Variants in WNT2B observed in about 807,000 individuals in gnomAD.
The protein encoded by WNT2B is Wnt family member 2B.
WNT2B carries 19 observed loss-of-function variants against 40.5 expected under a neutral mutation model. That is an observed-to-expected ratio of 0.47 (90% CI 0.33 to 0.69). The LOEUF (loss-of-function observed/expected upper bound fraction) is 0.69, where lower values mean the gene tolerates loss of function less well. Among genes scored for constraint, WNT2B ranks in the 30% least tolerant of loss-of-function variants. The pLI, the probability that WNT2B is intolerant of heterozygous loss-of-function variation, is 0.02. For synonymous variants in WNT2B, 220 were observed against 211.9 expected (o/e 1.04, Z -0.33); for missense variants, 467 against 556.4 (o/e 0.84, Z 1.62).
rs552359849 is a variant in WNT2B at position 112,523,310 on chromosome 1, A to G, written c.*2801A>G. 6.3e-5 allele frequency: 9 copies of G among 143,570 alleles called. 1 individual carries two copies. Among genetic ancestry groups the G allele is most frequent in the Middle Eastern group, 7.0e-3 (2 of 286 alleles). 8.9% of individuals were successfully genotyped at this position (143,570 alleles called of 1,614,324 possible). On this transcript the variant is annotated 3_prime_UTR_variant, in exon 5 of 5. Coordinates refer to ENST00000369684, the MANE Select transcript of WNT2B (RefSeq NM_024494.3). ...TCCTATAAATGGTTAAGAAAAGAGC[A>G]AGCTGTCCAGAGAGTGAGAAGTTTG...
rs759851887 is a variant in WNT2B at position 112,520,506 on chromosome 1, C to G, written c.1173C>G (p.Thr391=). The change falls in exon 5 of 5, where the codon ACC becomes ACG. Residue 391 remains threonine (T), a synonymous_variant. Transcript: ENST00000369684. Reference sequence around the variant, plus strand: ...AGAAGGCAGAGTGGCTGGACCAAACCTGAACACACAGATACCTCACTCATC... The same window carrying G: ...AGAAGGCAGAGTGGCTGGACCAAACGTGAACACACAGATACCTCACTCATC... ...APKKAEWLDQ[T] is the part of the protein sequence containing the mutation. 1.4e-5 allele frequency: 22 copies of G among 1,613,628 alleles called. No homozygotes were observed. The highest frequency in any genetic ancestry group is 1.8e-5 in the Non-Finnish European group (21 of 1,179,818).
intron 1 of WNT2B, among the ~76,000 whole-genome samples, chr1:112,481,169 CAAAA>C (rs66462658): frequency 7.3e-6 from 1 of 136,942 alleles, no homozygotes; most frequent in African/African-American, 2.6e-5. Flanking sequence ...AATTTCGTCT[CAAAA>C]AAAAAAAAAA....
Position 112,521,327 on chromosome 1 carries a change from T to TTC in WNT2B, c.*819_*820insCT, listed in dbSNP as rs1652869324. 1 of 147,008 alleles carries TTC rather than the reference T, an allele frequency of 6.8e-6. No individual in the cohort carries two copies. The highest frequency in any genetic ancestry group is 1.5e-5 in the Non-Finnish European group (1 of 66,974). 9.1% of individuals were successfully genotyped at this position (147,008 alleles called of 1,614,324 possible). On this transcript the variant is annotated 3_prime_UTR_variant, in exon 5 of 5. Transcript: ENST00000369684. ...TTGTGTTGCCTTTTTTTTTTTTTTTTTTTTCTTTTCTTTTCTTCTCTTCCC... is the reference window on the plus strand; with the variant it reads ...TTGTGTTGCCTTTTTTTTTTTTTTTTTCTTTTCTTTTCTTTTCTTCTCTTCCC...
At chr1:112,514,063 A>T (rs1218344925) in intron 1 of WNT2B, among the ~76,000 whole-genome samples, 2 of 152,238 alleles carry the variant, frequency 1.3e-5, no homozygotes, top group African/African-American at 4.8e-5. Flanking sequence ...TTAGTAGCCC[A>T]TCTCAATTGA....
chr1:112,516,621 A>G (rs1180357755), intron 3 of WNT2B, among the ~76,000 whole-genome samples: 1 of 152,240 alleles, frequency 6.6e-6, no homozygotes, highest in Non-Finnish European at 1.5e-5. Flanking sequence ...GAGTCTTCAC[A>G]TAGGTGGAAA....
At chr1:112,501,464 T>C (rs1338251012) in intron 1 of WNT2B, among the ~76,000 whole-genome samples, 1 of 152,220 alleles carries the variant, frequency 6.6e-6, no homozygotes, top group Non-Finnish European at 1.5e-5. Context: ...CATACATTAT[T>C]TGGGATTCTG....
chr1:112,499,124 T>C (rs974850076), intron 1 of WNT2B, among the ~76,000 whole-genome samples: 5 of 150,754 alleles, frequency 3.3e-5, no homozygotes, highest in African/African-American at 1.2e-4. Context: ...GAGAATGGCT[T>C]GAACCCAGGA....
At chr1:112,472,882 G>C (rs1360865723) in intron 1 of WNT2B, among the ~76,000 whole-genome samples, 1 of 151,158 alleles carries the variant, frequency 6.6e-6, no homozygotes, top group African/African-American at 2.4e-5. Context: ...AGGATCACTT[G>C]AGCTTGGGAG....
At chr1:112,484,274 T>TATATATATACAC (rs1389850075) in intron 1 of WNT2B, among the ~76,000 whole-genome samples, 39 of 124,724 alleles carry the variant, frequency 3.1e-4, no homozygotes, top group African/African-American at 1.2e-3. Context: ...TATATACACA[T>TATATATATACAC]ATATATATAT....
At chr1:112,516,977 G>A (rs907097227) in intron 3 of WNT2B, 144 bp from the exon 4 acceptor site, 3 of 1,080,910 alleles carry the variant, frequency 2.8e-6, no homozygotes, top group Non-Finnish European at 4.0e-6. Flanking sequence ...GGTGGGATCT[G>A]ATGTGGGAGA....
At chr1:112,517,055 C>T in intron 3 of WNT2B, 66 bp from the exon 4 acceptor site, 1 of 1,562,586 alleles carries the variant, frequency 6.4e-7, no homozygotes, top group South Asian at 1.2e-5. Flanking sequence ...TCCTTTTGGA[C>T]CTAGGGATGA....
At chr1:112,514,103 C>T (rs1012992293) in intron 1 of WNT2B, among the ~76,000 whole-genome samples, 5 of 152,206 alleles carry the variant, frequency 3.3e-5, no homozygotes, top group African/African-American at 1.2e-4. Context: ...ATTGGACAGA[C>T]TGGAGACTGC....
rs1653066969 is a variant in WNT2B at position 112,524,182 on chromosome 1, CTT to C, written c.*3675_*3676del. Reference sequence around the variant, plus strand: ...TTATCAAGAACACCAACCAGTAAGTCTTTGCCAAATTCTCAGACCCACTCAGG... The same window carrying C: ...TTATCAAGAACACCAACCAGTAAGTCTGCCAAATTCTCAGACCCACTCAGG... On this transcript the variant is annotated 3_prime_UTR_variant, in exon 5 of 5. Transcript: ENST00000369684. 6.6e-6 allele frequency: 1 copy of C among 152,574 alleles called. No homozygotes were observed. Among genetic ancestry groups the C allele is most frequent in the African/African-American group, 2.4e-5 (1 of 41,416 alleles). 9.5% of individuals were successfully genotyped at this position (152,574 alleles called of 1,614,324 possible).
rs904473612 is a variant in WNT2B, at chr1:112,526,072, C to T, written c.*5563C>T. The T allele has an allele frequency of 1.9e-5, 30 of 1,614,080 alleles. No homozygotes were observed. The highest frequency in any genetic ancestry group is 2.7e-5 in the African/African-American group (2 of 74,914). ...AAATCCTGTGTATTCTCCTCAAAGC[C>T]TGAGGATGCCCAGGGTTGGGGGCAC... On this transcript the variant is annotated 3_prime_UTR_variant, in exon 5 of 5. Coordinates refer to ENST00000369684, the MANE Select transcript of WNT2B (RefSeq NM_024494.3).
Position 112,521,259 on chromosome 1 carries a change from G to C in WNT2B, c.*750G>C, listed in dbSNP as rs1299726975. 1 of 150,124 alleles carries C rather than the reference G, an allele frequency of 6.7e-6. No individual in the cohort carries two copies. The highest frequency in any genetic ancestry group is 2.0e-4 in the East Asian group (1 of 5,116). The allele number at this position is 150,124 out of a possible 1,614,324, so 9.3% of individuals were successfully genotyped here. ...CTTAACAAATCATTAAAACACCCTA[G>C]AACACTCCTAGGATAGATTAATGTA... On this transcript the variant is annotated 3_prime_UTR_variant, in exon 5 of 5. Coordinates refer to ENST00000369684, the MANE Select transcript of WNT2B (RefSeq NM_024494.3).
At position 112,527,378 on chromosome 1, in the gene WNT2B, T is replaced by G. The variant is rs537986647; in HGVS notation, c.*6869T>G. 6.5e-6 allele frequency: 1 copy of G among 152,812 alleles called. No homozygotes were observed. The highest frequency in any genetic ancestry group is 1.9e-4 in the East Asian group (1 of 5,188). 9.5% of individuals were successfully genotyped at this position (152,812 alleles called of 1,614,324 possible). Reference sequence around the variant, plus strand: ...GTCCATCGATCTTGGCTCTCACTGTTCTCCCTGCTTCCCACCCCCAACTGC... The same window carrying G: ...GTCCATCGATCTTGGCTCTCACTGTGCTCCCTGCTTCCCACCCCCAACTGC... On this transcript the variant is annotated 3_prime_UTR_variant, in exon 5 of 5. Transcript: ENST00000369684.
rs1323998735 is a variant in WNT2B, at chr1:112,475,253, T to C, written c.-95+7662T>C. Among the ~76,000 whole-genome samples the C allele has an allele frequency of 2.0e-5, 3 of 152,184 alleles. No individual in the cohort carries two copies. In the East Asian group the frequency reaches 5.8e-4, roughly 29 times the overall value. Reference sequence around the variant, plus strand: ...ACACACACAAAAAGCAAAATAAAGATATTTCTCAAACATGCACATGATGAA... The same window carrying C: ...ACACACACAAAAAGCAAAATAAAGACATTTCTCAAACATGCACATGATGAA... On this transcript the variant is annotated intron_variant, in intron 1 of 4. Transcript: ENST00000256640.
At chr1:112,517,907 A>G (rs1459534114) in intron 4 of WNT2B, 2 of 155,060 alleles carry the variant, frequency 1.3e-5, no homozygotes, top group East Asian at 3.8e-4. Context: ...TTGAGAGACG[A>G]GTGGGCAATT....
intron 1 of WNT2B, among the ~76,000 whole-genome samples, chr1:112,490,406 G>A (rs1429689251): frequency 6.6e-6 from 1 of 152,136 alleles, no homozygotes; most frequent in Non-Finnish European, 1.5e-5. Context: ...TGTACCAAAG[G>A]TGTTCTTCCA....
Sources: gnomAD v4.1 joint callset for allele counts (sites outside exome capture counted in the v4.1 genomes callset) on GRCh38, gnomAD v4.1.1 for gene constraint, MANE v1.5 for transcripts, NCBI Gene and HGNC (gene_info 2026-07-23, HGNC 2026-07-21) for gene names.